Variants in SLC22A23 observed in about 807,000 individuals in gnomAD.
SLC22A23 encodes the protein solute carrier family 22 member 23, also known as ion transporter protein.
A neutral mutation model predicts 61.0 loss-of-function variants in SLC22A23; 26 were observed. The observed-to-expected ratio is 0.43, with a 90% CI of 0.31 to 0.59. SLC22A23 has a LOEUF of 0.59. Ranked by LOEUF, SLC22A23 falls within the 20% of genes least tolerant of loss-of-function variation. The probability of loss-of-function intolerance (pLI) is 0.11; values close to 1 mark genes in which losing one functional copy is unlikely to be tolerated. For synonymous variants in SLC22A23, 430 were observed against 413.9 expected (o/e 1.04, Z -0.47); for missense variants, 796 against 934.7 (o/e 0.85, Z 1.94).
chr6:3,301,979 T>C (rs956715822), intron 4 of SLC22A23, among the ~76,000 whole-genome samples: 1 of 152,236 alleles, frequency 6.6e-6, no homozygotes, highest in African/African-American at 2.4e-5. Context: ...ATTCCTTCTG[T>C]TTCGTTTTTT....
intron 7 of SLC22A23, 141 bp from the exon 8 acceptor site, chr6:3,285,252 T>C: frequency 8.5e-7 from 1 of 1,182,118 alleles, no homozygotes; most frequent in Non-Finnish European, 1.2e-6. Flanking sequence ...GTGTCTGGGA[T>C]GGCGCTGGCC....
rs1437842907 is a variant in SLC22A23, at chr6:3,431,082, A to AAAG, written c.655-15228_655-15227insCTT. Among the ~76,000 whole-genome samples, 90 of 138,106 alleles carry AAAG rather than the reference A, an allele frequency of 6.5e-4. 1 individual carries two copies. In the East Asian group the frequency reaches 0.017, roughly 27 times the overall value. The allele number at this position is 138,106 out of a possible 152,430, so 90.6% of individuals were successfully genotyped here. ...ACTCCGTCTCAAAAAAAAAAAAAAA[A>AAAG]AAAGAAAGAAAGAAAAAGAAAACAC... is the stretch of plus-strand genomic sequence containing the variant. On this transcript the variant is annotated intron_variant, in intron 1 of 9. Transcript: ENST00000406686.
intron 3 of SLC22A23, among the ~76,000 whole-genome samples, chr6:3,402,980 A>G (rs1337608824): frequency 6.6e-6 from 1 of 152,230 alleles, no homozygotes; most frequent in Non-Finnish European, 1.5e-5. Context: ...AGCAGAGCCT[A>G]TCTGGCAGGA....
chr6:3,335,256 G>A (rs1205957923), intron 3 of SLC22A23, among the ~76,000 whole-genome samples: 6 of 152,164 alleles, frequency 3.9e-5, no homozygotes, highest in Non-Finnish European at 5.9e-5. Context: ...CAAGCAAAAC[G>A]GTGCATTCTC....
chr6:3,443,790 G>T (rs1771740008), intron 1 of SLC22A23, among the ~76,000 whole-genome samples: 1 of 152,150 alleles, frequency 6.6e-6, no homozygotes, highest in African/African-American at 2.4e-5. Flanking sequence ...GCTGGAGTTG[G>T]ACAGAGAGAT....
In SLC22A23 at chr6:3,391,923, A is replaced by C. The variant is rs368082861; in HGVS notation, c.913+18265T>G. ...GGTGAGTACAAAGGAACTAAGGAGCAAGCAGGAGCTGAAAGATCCATCTGG... is the reference window on the plus strand; with the variant it reads ...GGTGAGTACAAAGGAACTAAGGAGCCAGCAGGAGCTGAAAGATCCATCTGG... On this transcript the variant is annotated intron_variant, in intron 3 of 9. Coordinates refer to ENST00000406686, the MANE Select transcript of SLC22A23 (RefSeq NM_015482.2). 3.3e-5 allele frequency among the ~76,000 whole-genome samples: 5 copies of C among 152,256 alleles called. No homozygotes were observed. The East Asian group carries it at 5.8e-4, about 18-fold the overall frequency.
At chr6:3,435,841 G>A (rs949122014) in intron 1 of SLC22A23, among the ~76,000 whole-genome samples, 2 of 152,206 alleles carry the variant, frequency 1.3e-5, no homozygotes, top group African/African-American at 4.8e-5. Context: ...AATCCAAGGT[G>A]ACTGGTGTCC....
chr6:3,363,389 G>C (rs908428960), intron 3 of SLC22A23, among the ~76,000 whole-genome samples: 2 of 152,246 alleles, frequency 1.3e-5, no homozygotes, highest in Non-Finnish European at 2.9e-5. Context: ...CCTAAGACAG[G>C]GCCCAGGCTT....
intron 1 of SLC22A23, among the ~76,000 whole-genome samples, chr6:3,426,349 G>A (rs1375084112): frequency 6.6e-6 from 1 of 152,140 alleles, no homozygotes; most frequent in Non-Finnish European, 1.5e-5. Context: ...TTCAGACAGG[G>A]TGACCTGATG....
chr6:3,287,201 A>G (rs184567316), intron 6 of SLC22A23, 110 bp from the exon 7 acceptor site: 13 of 974,934 alleles, frequency 1.3e-5, no homozygotes, highest in East Asian at 1.0e-4. Context: ...AAGCAACTCA[A>G]TGTGTCATAG....
rs57785894 is a variant in SLC22A23, at chr6:3,271,858, A to C, written c.*1197T>G. 1.3e-3 allele frequency: 203 copies of C among 152,424 alleles called. No homozygotes were observed. Among genetic ancestry groups the C allele is most frequent in the African/African-American group, 4.7e-3 (194 of 41,546 alleles). 9.4% of individuals were successfully genotyped at this position (152,424 alleles called of 1,614,324 possible). ...TTTGGTGAGTTATTGCTTTCTTTCA[A>C]TTTGTCTTGATGCCTTCGAGAGGCT... On this transcript the variant is annotated 3_prime_UTR_variant, in exon 10 of 10. Coordinates refer to ENST00000406686, the MANE Select transcript of SLC22A23 (RefSeq NM_015482.2).
chr6:3,273,151 G>A lies in SLC22A23; in HGVS notation c.1965C>T (p.Asn655=), dbSNP rs200535717. 35 of 1,611,752 alleles carry A rather than the reference G, an allele frequency of 2.2e-5. No homozygotes were observed. Among genetic ancestry groups the A allele is most frequent in the Middle Eastern group, 1.7e-4 (1 of 6,060 alleles). The change falls in exon 10 of 10, where the codon AAC becomes AAT. Residue 655 remains asparagine, a synonymous_variant. Coordinates refer to ENST00000406686, the MANE Select transcript of SLC22A23 (RefSeq NM_015482.2). The part of the protein sequence containing the change: ...KKGEQPLLLT[N]AELKDYSGLH... ...GGCCCGAGTAGTCCTTGAGCTCGGC[G>A]TTGGTGAGCAGCAGTGGCTGCTCCC...
In SLC22A23 at chr6:3,386,559, G is replaced by A. The variant is rs1393290303; in HGVS notation, c.913+23629C>T. Among the ~76,000 whole-genome samples, 1 of 152,226 alleles carries A rather than the reference G, an allele frequency of 6.6e-6. No individual in the cohort carries two copies. The highest frequency in any genetic ancestry group is 2.4e-5 in the African/African-American group (1 of 41,470). ...GTTCTTCCAGACACAGAGGAGGCTG[G>A]CACTGCCAGGCTTGGAGGCTGCTTG... On this transcript the variant is annotated intron_variant, in intron 3 of 9. Transcript: ENST00000406686. This position sits in a 1 kb window ranked among gnomAD's most constrained non-coding sequence, Gnocchi z 4.4.
intron 3 of SLC22A23, among the ~76,000 whole-genome samples, chr6:3,375,057 T>A (rs904869991): frequency 2.6e-5 from 4 of 152,218 alleles, no homozygotes; most frequent in Non-Finnish European, 5.9e-5. Flanking sequence ...TAAGGATGTC[T>A]TGGAAGAAAA....
chr6:3,416,963 G>C (rs759281811), intron 1 of SLC22A23, among the ~76,000 whole-genome samples: 1 of 152,168 alleles, frequency 6.6e-6, no homozygotes, highest in Non-Finnish European at 1.5e-5. Flanking sequence ...TGTCTTCTTA[G>C]ATGTCTCCCC....
chr6:3,287,303 G>C (rs188228534), intron 6 of SLC22A23, among the ~76,000 whole-genome samples: 2 of 152,238 alleles, frequency 1.3e-5, no homozygotes, highest in African/African-American at 4.8e-5. Flanking sequence ...TCCTGATGGA[G>C]GTCCAGGCTC....
chr6:3,298,110 G>A lies in SLC22A23; in HGVS notation c.1191C>T (p.Asp397=), dbSNP rs754494429. The change falls in exon 5 of 10, where the codon GAC becomes GAT. Residue 397 remains aspartate (D), a synonymous_variant. Transcript: ENST00000406686. The stretch of plus-strand genomic sequence containing the variant: ...GCTCACCTGGTATCACACCCTTGAT[G>A]TCGCCCTCAGGGTTCATGCGATTCT... ...TQKNRMNPEG[D]IKGVIPELEK... is the part of the protein sequence containing the mutation. 2.5e-6 allele frequency: 4 copies of A among 1,572,754 alleles called. No individual in the cohort carries two copies. The African/African-American group carries it at 4.2e-5, about 16-fold the overall frequency.
intron 3 of SLC22A23, among the ~76,000 whole-genome samples, chr6:3,364,475 T>C (rs1031044651): frequency 3.9e-5 from 6 of 152,106 alleles, no homozygotes; most frequent in African/African-American, 1.4e-4. Context: ...ATTCCCTTCT[T>C]TAAAAAAAAG....
chr6:3,378,657 C>CTTTTTTTTTTTT (rs574704294), intron 3 of SLC22A23, among the ~76,000 whole-genome samples: 14 of 119,102 alleles, frequency 1.2e-4, no homozygotes, highest in Admixed American at 2.0e-4. Context: ...TTTCTTTTTT[C>CTTTTTTTTTTTT]TTTTTTTTTT....
Sources: allele counts gnomAD v4.1 joint callset (sites outside exome capture counted in the v4.1 genomes callset), GRCh38; gene constraint gnomAD v4.1.1; non-coding constraint Gnocchi (gnomAD v3.1); transcripts MANE v1.5; gene names NCBI Gene and HGNC (gene_info 2026-07-23, HGNC 2026-07-21).